Variants in NRCAM observed in about 807,000 individuals in gnomAD.
NRCAM encodes NgCAM-related cell adhesion molecule.
Under a neutral mutation model 156.5 loss-of-function variants are expected in NRCAM, and 83 were observed. The observed-to-expected ratio is 0.53, with a 90% CI of 0.44 to 0.64. The LOEUF (loss-of-function observed/expected upper bound fraction) is 0.64, where lower values mean the gene tolerates loss of function less well. Ranked by LOEUF, NRCAM falls within the 30% of genes least tolerant of loss-of-function variation. NRCAM has a pLI of 0.00. For synonymous variants in NRCAM, 538 were observed against 563.9 expected, an observed-to-expected ratio of 0.95 and a Z score of 0.65; for missense variants, 1,417 against 1,597.3, an observed-to-expected ratio of 0.89 and a Z score of 1.92.
At position 108,191,261 on chromosome 7, in the gene NRCAM, G is replaced by T. The variant is rs563468799; in HGVS notation, c.1926C>A (p.Pro642=). The change falls in exon 19 of 33, where the codon CCC becomes CCA. Residue 642 remains proline, a synonymous_variant. Coordinates refer to ENST00000379028, the MANE Select transcript of NRCAM (RefSeq NM_001037132.4). ...AGACTCATATTAGTTTACCGTAAAC[G>T]GGAGCTGGAGTTGGAGTAGGAGCTA... ...SVVAPTPTPA[P]VYDVPNPPFD... is the part of the protein sequence containing the mutation. 2 of 1,605,406 alleles carry T rather than the reference G, an allele frequency of 1.2e-6. No individual in the cohort carries two copies. The highest frequency in any genetic ancestry group is 3.4e-5 in the Admixed American group (2 of 59,090).
chr7:108,363,735 T>C (rs1055542815), intron 2 of NRCAM, among the ~76,000 whole-genome samples: 2 of 152,172 alleles, frequency 1.3e-5, no homozygotes, highest in African/African-American at 4.8e-5. Context: ...TATGATGTGA[T>C]GAAAATAGCA....
chr7:108,234,788 A>C, intron 5 of NRCAM, 100 bp from the exon 6 acceptor site: 1 of 839,878 alleles, frequency 1.2e-6, no homozygotes. Flanking sequence ...TAGACTAAAT[A>C]TGCTTCAAGT....
chr7:108,153,281 G>A (rs2042850268), intron 32 of NRCAM, among the ~76,000 whole-genome samples: 1 of 151,896 alleles, frequency 6.6e-6, no homozygotes, highest in South Asian at 2.1e-4. Flanking sequence ...AAGAATGCAG[G>A]CTTATTTTAG....
chr7:108,205,443 T>C (rs1167850399), intron 13 of NRCAM, among the ~76,000 whole-genome samples: 1 of 152,218 alleles, frequency 6.6e-6, no homozygotes, highest in Non-Finnish European at 1.5e-5. Context: ...ATCAGCTTCA[T>C]TATTTAATCC....
chr7:108,392,932 G>A (rs958357595), intron 2 of NRCAM, among the ~76,000 whole-genome samples: 8 of 152,140 alleles, frequency 5.3e-5, no homozygotes, highest in South Asian at 2.1e-4. Context: ...TAGAAGCTTC[G>A]TCTCAGAGGG....
chr7:108,154,376 A>C (rs1168879208), intron 32 of NRCAM, among the ~76,000 whole-genome samples: 1 of 152,192 alleles, frequency 6.6e-6, no homozygotes, highest in East Asian at 1.9e-4. Flanking sequence ...TAAGACTTTT[A>C]TGTTAATTTT....
chr7:108,155,007 T>C (rs1351375194), intron 32 of NRCAM, among the ~76,000 whole-genome samples: 1 of 149,592 alleles, frequency 6.7e-6, no homozygotes, highest in Non-Finnish European at 1.5e-5. Context: ...TTCAGTGAAG[T>C]TGCCATGTCA....
At chr7:108,214,289 A>G (rs150329883) in intron 11 of NRCAM, among the ~76,000 whole-genome samples, 2 of 152,126 alleles carry the variant, frequency 1.3e-5, no homozygotes, top group African/African-American at 4.8e-5. Flanking sequence ...TTATTGGTCT[A>G]TTCAGGGATT....
intron 1 of NRCAM, among the ~76,000 whole-genome samples, chr7:108,428,697 T>C (rs1820624118): frequency 6.6e-6 from 1 of 152,214 alleles, no homozygotes; most frequent in Admixed American, 6.5e-5. Context: ...TGTAACTAGC[T>C]TTATGAAGTT....
At chr7:108,308,132 C>T (rs2098745982) in intron 3 of NRCAM, among the ~76,000 whole-genome samples, 1 of 152,188 alleles carries the variant, frequency 6.6e-6, no homozygotes. Flanking sequence ...CCATTTATAA[C>T]TTTCATTTGG....
chr7:108,249,939 C>A (rs974719767), intron 3 of NRCAM, among the ~76,000 whole-genome samples: 1 of 152,168 alleles, frequency 6.6e-6, no homozygotes, highest in Non-Finnish European at 1.5e-5. Context: ...ATACAACCCA[C>A]AATTCCACTG....
chr7:108,352,490 G>T (rs1280734968), intron 2 of NRCAM, among the ~76,000 whole-genome samples: 15 of 152,196 alleles, frequency 9.9e-5, no homozygotes, highest in Admixed American at 9.8e-4. Flanking sequence ...AGGTCTGCCT[G>T]GATGCTGGAA....
intron 10 of NRCAM, among the ~76,000 whole-genome samples, chr7:108,225,281 T>C (rs1363500927): frequency 6.6e-6 from 1 of 152,214 alleles, no homozygotes; most frequent in African/African-American, 2.4e-5. Context: ...GTCAGTATTC[T>C]AGCAAGTTAA....
chr7:108,415,835 T>C (rs1411273325), intron 1 of NRCAM, among the ~76,000 whole-genome samples: 1 of 152,186 alleles, frequency 6.6e-6, no homozygotes, highest in African/African-American at 2.4e-5. Flanking sequence ...TGAGCTGATA[T>C]CACGCCATTG....
In NRCAM at chr7:108,207,594, T is replaced by G. The variant is rs765846116; in HGVS notation, c.1141A>C (p.Ile381Leu). ...VLSPGEDGTLICRANGNPKPR... is the reference protein window; with the variant it reads ...VLSPGEDGTLLCRANGNPKPR... Reference sequence around the variant, plus strand: ...TTGGGGTTGCCATTAGCTCTGCAGATCAAGGTCCCATCCTCTCCTGGGGAC... The same window carrying G: ...TTGGGGTTGCCATTAGCTCTGCAGAGCAAGGTCCCATCCTCTCCTGGGGAC... The change falls in exon 13 of 33, where the codon ATC (isoleucine) becomes CTC (leucine). Residue 381 changes from isoleucine to leucine, a missense_variant. Physicochemically the swap from Ile to Leu is conservative, Grantham distance 5. Coordinates refer to ENST00000379028, the MANE Select transcript of NRCAM (RefSeq NM_001037132.4). 66 of 1,613,846 alleles carry G rather than the reference T, an allele frequency of 4.1e-5. No individual in the cohort carries two copies. Among genetic ancestry groups the G allele is most frequent in the Non-Finnish European group, 5.6e-5 (66 of 1,179,874 alleles).
At chr7:108,286,509 G>C (rs1019913334) in intron 3 of NRCAM, among the ~76,000 whole-genome samples, 5 of 152,218 alleles carry the variant, frequency 3.3e-5, no homozygotes, top group Admixed American at 3.3e-4. Context: ...GGAAGAAAAG[G>C]AATAGGAGAA....
At chr7:108,194,449 CAAT>C in intron 15 of NRCAM, 21 bp from the exon 16 acceptor site, 1 of 1,529,950 alleles carries the variant, frequency 6.5e-7, no homozygotes, top group Non-Finnish European at 8.9e-7. Flanking sequence ...GAAATTATCA[CAAT>C]GAGAATAAAA....
At chr7:108,432,561 G>A (rs1482785336) in intron 1 of NRCAM, among the ~76,000 whole-genome samples, 1 of 152,290 alleles carries the variant, frequency 6.6e-6, no homozygotes, top group East Asian at 1.9e-4. Context: ...AGAGGAAATC[G>A]AAGTGTTCTC....
At chr7:108,292,517 C>T (rs2098332883) in intron 3 of NRCAM, among the ~76,000 whole-genome samples, 1 of 152,092 alleles carries the variant, frequency 6.6e-6, no homozygotes, top group South Asian at 2.1e-4. Context: ...TTAAATATGT[C>T]ACACAGAGTT....
Sources: allele counts gnomAD v4.1 joint callset (sites outside exome capture counted in the v4.1 genomes callset), GRCh38; gene constraint gnomAD v4.1.1; transcripts MANE v1.5; gene names NCBI Gene and HGNC (gene_info 2026-07-23, HGNC 2026-07-21).